The following CENPU variants were observed in gnomAD, a reference collection of about 807,000 sequenced individuals.
CENPU encodes the protein KSHV latent nuclear antigen interacting protein 1.
Under a neutral mutation model 56.7 loss-of-function variants are expected in CENPU, and 46 were observed. That is an observed-to-expected ratio of 0.81 (90% CI 0.64 to 1.04). The LOEUF is 1.04. Ranked by LOEUF, CENPU falls within the 50% of genes least tolerant of loss-of-function variation. The pLI is 0.00. For missense variants in CENPU, 510 were observed against 490.1 expected (o/e 1.04, Z -0.38); for synonymous variants, 166 against 163.0 (o/e 1.02, Z -0.14).
In CENPU at chr4:184,721,068, A is replaced by G. The variant is rs192352528; in HGVS notation, c.321-3872T>C. ...ATCAAAAATAATAACTTTTCAAAAC[A>G]TAAACAGTACAATAAAAATAAAAAC... On this transcript the variant is annotated intron_variant, in intron 4 of 12. Transcript: ENST00000281453. Among the ~76,000 whole-genome samples the G allele has an allele frequency of 5.9e-5, 9 of 152,348 alleles. No individual in the cohort carries two copies. The East Asian group carries it at 1.7e-3, about 29-fold the overall frequency.
At chr4:184,707,355 G>GAA in intron 8 of CENPU, among the ~76,000 whole-genome samples, 2 of 145,216 alleles carry the variant, frequency 1.4e-5, no homozygotes, top group African/African-American at 5.7e-5. Context: ...TAGTGTGCCT[G>GAA]CTCACCCCCG....
chr4:184,700,745 G>T, intron 11 of CENPU, 75 bp downstream of exon 11: 1 of 1,265,182 alleles, frequency 7.9e-7, no homozygotes, highest in Non-Finnish European at 1.2e-6. Context: ...AGCAGCAAGT[G>T]TCACTCCCCT....
Position 184,702,345 on chromosome 4 carries a change from G to A in CENPU, c.876+18C>T. The A allele has an allele frequency of 6.2e-7, 1 of 1,606,194 alleles. No homozygotes were observed. ...TGAAAAAAACCTTAGACCAACAAAT[G>A]CATGTCCGTGAGCTTACCATTTTGA... is the stretch of plus-strand genomic sequence containing the variant. On this transcript the variant is annotated intron_variant, in intron 9 of 12. Coordinates refer to ENST00000281453, the MANE Select transcript of CENPU (RefSeq NM_024629.4).
chr4:184,695,433 TC>T (rs758126731), intron 12 of CENPU, 32 bp from the exon 13 acceptor site: 19 of 1,478,176 alleles, frequency 1.3e-5, no homozygotes, highest in Middle Eastern at 1.7e-4. Flanking sequence ...ATTAGCAATA[TC>T]AAAAACTCAT....
rs1259808333 is a variant in CENPU at position 184,694,623 on chromosome 4, T to C, written c.*665A>G. 2 of 1,614,030 alleles carry C rather than the reference T, an allele frequency of 1.2e-6. No individual in the cohort carries two copies. Among genetic ancestry groups the C allele is most frequent in the African/African-American group, 1.3e-5 (1 of 74,932 alleles). On this transcript the variant is annotated 3_prime_UTR_variant, in exon 13 of 13. Transcript: ENST00000281453. ...GCAGGCTGTCAACAGGTGCATCTGC[T>C]GATGCTGTCTGGGATAATGGCATTG...
chr4:184,707,435 T>C (rs1203735306), intron 8 of CENPU, among the ~76,000 whole-genome samples: 1 of 152,070 alleles, frequency 6.6e-6, no homozygotes, highest in Non-Finnish European at 1.5e-5. Context: ...GGGTTGGACT[T>C]GTGGGGCCTA....
chr4:184,696,557 C>T (rs1760327799), intron 12 of CENPU, among the ~76,000 whole-genome samples: 1 of 152,066 alleles, frequency 6.6e-6, no homozygotes, highest in South Asian at 2.1e-4. Context: ...CCTTTAAAAG[C>T]ATTCTATTTC....
intron 1 of CENPU, among the ~76,000 whole-genome samples, chr4:184,731,529 A>G (rs1275160830): frequency 6.6e-6 from 1 of 152,246 alleles, no homozygotes; most frequent in African/African-American, 2.4e-5. Flanking sequence ...ACAAGCTTCA[A>G]GAAAACAAAT....
In CENPU at chr4:184,696,538, A is replaced by T. The variant is rs537900605; in HGVS notation, c.1143+1109T>A. ...TAAGCTTTGGACTACTTAGGTAATT[A>T]AAAAAATACCTTTAAAAGCATTCTA... On this transcript the variant is annotated intron_variant, in intron 12 of 12. Transcript: ENST00000281453. 5.3e-5 allele frequency among the ~76,000 whole-genome samples: 8 copies of T among 152,254 alleles called. No individual in the cohort carries two copies. The East Asian group carries it at 7.7e-4, about 15-fold the overall frequency.
chr4:184,717,722 C>T (rs873686), intron 4 of CENPU, among the ~76,000 whole-genome samples: 54,100 of 152,018 alleles, frequency 0.36, 10,162 homozygotes, highest in East Asian at 0.7. Context: ...AAAGGGTTCA[C>T]TGTCTAGTGG....
At chr4:184,697,127 T>C (rs1029076130) in intron 12 of CENPU, among the ~76,000 whole-genome samples, 1 of 152,078 alleles carries the variant, frequency 6.6e-6, no homozygotes, top group African/African-American at 2.4e-5. Flanking sequence ...AGGGATCTAC[T>C]TGCCTCAGCC....
In CENPU at chr4:184,712,953, T is replaced by C. The variant is rs772024477; in HGVS notation, c.679A>G (p.Ile227Val). Residue 227 changes from isoleucine to valine, a missense_variant, in exon 7 of 13, where the codon ATA becomes GTA. Transcript: ENST00000281453. The part of the protein sequence containing the change: ...DKRKKSRSKA[I>V]GSDTSDIVHI... The stretch of plus-strand genomic sequence containing the variant: ...AAACATCATTCTCTACCTGAGCCTA[T>C]GGCTTTACTTCTTGATTTCTTCCTT... 10 of 1,587,826 alleles carry C rather than the reference T, an allele frequency of 6.3e-6. No individual in the cohort carries two copies. The South Asian group carries it at 1.1e-4, about 18-fold the overall frequency.
chr4:184,729,100 A>G, intron 2 of CENPU, 65 bp from the exon 3 acceptor site: 2 of 1,217,748 alleles, frequency 1.6e-6, no homozygotes, highest in Non-Finnish European at 2.4e-6. Flanking sequence ...TGATTTATAC[A>G]GCAAGAATAT....
Position 184,734,018 on chromosome 4 carries a change from C to A in CENPU, c.45G>T (p.Glu15Asp). The stretch of plus-strand genomic sequence containing the variant: ...TCCCGAGGGTCGGCAGTACTTACCC[C>A]TCAGACCTGTGAGGCCGCGGCCGCC... ...GRRRPRPHRS[E>D]GARRSKNTLE... The change falls in exon 1 of 13, where the codon GAG becomes GAT. Residue 15 changes from glutamate to aspartate, a missense_variant and splice_region_variant. By Grantham distance (45) the Glu-to-Asp change is conservative. Transcript: ENST00000281453. The A allele has an allele frequency of 1.2e-6, 2 of 1,604,602 alleles. No homozygotes were observed. Among genetic ancestry groups the A allele is most frequent in the African/African-American group, 1.3e-5 (1 of 74,948 alleles).
chr4:184,709,840 A>G (rs1445165388), intron 8 of CENPU, among the ~76,000 whole-genome samples: 2 of 152,090 alleles, frequency 1.3e-5, no homozygotes. Flanking sequence ...TGACCACAAC[A>G]TATTTAAGAT....
chr4:184,732,618 TG>T (rs11439969), intron 1 of CENPU, among the ~76,000 whole-genome samples: 16,070 of 151,522 alleles, frequency 0.11, 1,063 homozygotes, highest in Non-Finnish European at 0.15. Flanking sequence ...TGTCCTTTCT[TG>T]GGGGGGAAAA....
Position 184,710,184 on chromosome 4 carries a change from A to C in CENPU, c.689-4T>G. 1 of 1,578,478 alleles carries C rather than the reference A, an allele frequency of 6.3e-7. No homozygotes were observed. Among genetic ancestry groups the C allele is most frequent in the Non-Finnish European group, 8.7e-7 (1 of 1,151,014 alleles). Reference sequence around the variant, plus strand: ...ATGTGCACAATGTCAGAAGTATCTAAAATATTAAGATAAGTTAACATGCTG... The same window carrying C: ...ATGTGCACAATGTCAGAAGTATCTACAATATTAAGATAAGTTAACATGCTG... On this transcript the variant is annotated splice_region_variant and splice_polypyrimidine_tract_variant and intron_variant, in intron 7 of 12. Transcript: ENST00000281453.
At chr4:184,728,870 ATGT>A in intron 3 of CENPU, 45 bp downstream of exon 3, 2 of 1,363,942 alleles carry the variant, frequency 1.5e-6, no homozygotes, top group Non-Finnish European at 2.1e-6. Context: ...TCTGGCCTAA[ATGT>A]TGTTGCTTTA....
chr4:184,733,754 T>TC (rs761074330), intron 1 of CENPU, among the ~76,000 whole-genome samples: 1 of 152,060 alleles, frequency 6.6e-6, no homozygotes. Context: ...TGGACGGCAC[T>TC]CCCCCTCCCC....
Sources: allele counts gnomAD v4.1 joint callset (sites outside exome capture counted in the v4.1 genomes callset), GRCh38; gene constraint gnomAD v4.1.1; transcripts MANE v1.5; gene names NCBI Gene and HGNC (gene_info 2026-07-23, HGNC 2026-07-21).